The following PRH1 variants were observed in gnomAD, a reference collection of about 807,000 sequenced individuals.
PRH1 encodes the protein salivary acidic proline-rich phosphoprotein 1/2.
PRH1 carries 7 observed loss-of-function variants against 7.9 expected under a neutral mutation model. The ratio of observed to expected loss-of-function variants is 0.89; its 90% confidence interval spans 0.50 to 1.67. The LOEUF (loss-of-function observed/expected upper bound fraction) is 1.67. PRH1 is among the 40% of genes most tolerant of loss of function. PRH1 has a pLI of 0.00. For synonymous variants in PRH1, 45 were observed against 80.8 expected (o/e 0.56, Z 2.38); for missense variants, 109 against 223.6 (o/e 0.49, Z 3.27).
intron 2 of PRH1, among the ~76,000 whole-genome samples, chr12:10,950,781 T>G (rs1950558721): frequency 6.6e-6 from 1 of 152,014 alleles, no homozygotes; most frequent in African/African-American, 2.4e-5. Flanking sequence ...AAAAAAGTGT[T>G]AAAATATTAA....
At chr12:10,931,338 A>G (rs1299373781) in intron 2 of PRH1, among the ~76,000 whole-genome samples, 5 of 152,178 alleles carry the variant, frequency 3.3e-5, no homozygotes, top group African/African-American at 4.8e-5. Flanking sequence ...ACATAGAATC[A>G]TGTTCTCCCT....
chr12:11,070,986 TTTA>T (rs1337333293), intron 1 of PRH1, among the ~76,000 whole-genome samples: 6 of 120,486 alleles, frequency 5.0e-5, no homozygotes, highest in Non-Finnish European at 1.2e-4. Flanking sequence ...AATTATGATT[TTTA>T]TTATTATTTT....
chr12:10,940,482 T>C lies in PRH1; in HGVS notation c.-59+33173A>G, dbSNP rs117561384. ...ATCTATCTATTGTCTCATAAAGCAG[T>C]CATTGTGTTTGAATGAGTTCATCCA... On this transcript the variant is annotated intron_variant, in intron 2 of 3. Transcript: ENST00000539853. 8.0e-3 allele frequency among the ~76,000 whole-genome samples: 1,220 copies of C among 152,376 alleles called. 16 individuals are homozygous for C. The highest frequency in any genetic ancestry group is 0.015 in the Non-Finnish European group (995 of 68,038).
chr12:11,014,514 T>A (rs971449865), intron 1 of PRH1, among the ~76,000 whole-genome samples: 9 of 152,162 alleles, frequency 5.9e-5, no homozygotes, highest in Non-Finnish European at 1.5e-5. Flanking sequence ...AGAGGCTTCA[T>A]ACTTTGAAAA....
intron 2 of PRH1, among the ~76,000 whole-genome samples, chr12:10,904,932 T>C (rs1949781100): frequency 6.6e-6 from 1 of 151,338 alleles, no homozygotes; most frequent in African/African-American, 2.4e-5. Context: ...AGGCTCAACA[T>C]CACTAATCAT....
At chr12:11,118,598 G>A (rs985495875), downstream of PRH1, among the ~76,000 whole-genome samples, 2 of 152,168 alleles carry the variant, frequency 1.3e-5, no homozygotes, top group African/African-American at 4.8e-5. Context: ...GGAAGTAAGT[G>A]TATCAAACAG....
At chr12:11,167,747 A>G in intron 1 of PRH1, among the ~76,000 whole-genome samples, 1 of 152,156 alleles carries the variant, frequency 6.6e-6, no homozygotes, top group East Asian at 1.9e-4. Flanking sequence ...TTGTAACTTC[A>G]GTTCTAACAA....
At chr12:10,913,091 C>T (rs547049607) in intron 2 of PRH1, among the ~76,000 whole-genome samples, 5 of 152,252 alleles carry the variant, frequency 3.3e-5, no homozygotes, top group Admixed American at 6.5e-5. Flanking sequence ...GTGCATAGAG[C>T]GTTAGAATTG....
chr12:11,115,230 A>C (rs1419406399), intron 1 of PRH1, among the ~76,000 whole-genome samples: 1 of 152,188 alleles, frequency 6.6e-6, no homozygotes, highest in Non-Finnish European at 1.5e-5. Flanking sequence ...ATGGCAATGG[A>C]AGCCAAAAAA....
chr12:11,063,066 C>A (rs1033438111), intron 1 of PRH1, among the ~76,000 whole-genome samples: 1 of 152,100 alleles, frequency 6.6e-6, no homozygotes, highest in African/African-American at 2.4e-5. Context: ...CCACTCAGGG[C>A]TTTCAGCTCA....
chr12:10,919,081 G>A (rs1371638892), intron 2 of PRH1, among the ~76,000 whole-genome samples: 1 of 151,864 alleles, frequency 6.6e-6, no homozygotes, highest in Non-Finnish European at 1.5e-5. Flanking sequence ...TATTTTCTCT[G>A]TTTGATTGTT....
At chr12:11,035,987 G>A (rs1042507843) in intron 1 of PRH1, among the ~76,000 whole-genome samples, 12 of 152,034 alleles carry the variant, frequency 7.9e-5, no homozygotes, top group Non-Finnish European at 1.8e-4. Flanking sequence ...TCTGTCCCCC[G>A]GGTTCACGCC....
chr12:11,158,812 T>C (rs982096988), intron 1 of PRH1: 1 of 152,178 alleles, frequency 6.6e-6, no homozygotes, highest in Non-Finnish European at 1.5e-5. Flanking sequence ...TCAGAGAGAA[T>C]TTAAGATGCC....
At position 11,094,651 on chromosome 12, in the gene PRH1, T is replaced by C. The variant is rs1369996819; in HGVS notation, n.124-47463A>G. ...ACTATCTTAGAATTGTGTAAGAATGTATACAAATATTTGATATTTCCCTTC... is the reference window on the plus strand; with the variant it reads ...ACTATCTTAGAATTGTGTAAGAATGCATACAAATATTTGATATTTCCCTTC... On this transcript the variant is annotated intron_variant and non_coding_transcript_variant, in intron 1 of 4. Transcript: ENST00000541977. 2.1e-4 allele frequency among the ~76,000 whole-genome samples: 24 copies of C among 116,466 alleles called. 8 individuals are homozygous for C. Among genetic ancestry groups the C allele is most frequent in the Admixed American group, 1.4e-3 (16 of 11,624 alleles). The allele number at this position is 116,466 out of a possible 152,430, so 76.4% of individuals were successfully genotyped here. A position where few individuals can be genotyped will look rare whatever the true frequency, so the allele number is the denominator to read the frequency against.
chr12:10,988,698 T>C (rs1939771520), intron 1 of PRH1, among the ~76,000 whole-genome samples: 1 of 152,056 alleles, frequency 6.6e-6, no homozygotes, highest in South Asian at 2.1e-4. Context: ...GCAAAACATG[T>C]CACATTGCAA....
intron 1 of PRH1, among the ~76,000 whole-genome samples, chr12:11,070,119 C>A (rs1208442226): frequency 1.3e-5 from 2 of 152,058 alleles, no homozygotes; most frequent in Middle Eastern, 3.4e-3. Context: ...GCAGTTGACA[C>A]CCTGCCTCTC....
intron 1 of PRH1, among the ~76,000 whole-genome samples, chr12:11,085,949 C>T (rs1412077148): frequency 8.4e-6 from 1 of 119,088 alleles, no homozygotes; most frequent in Non-Finnish European, 2.0e-5. Context: ...TTTTCAATGC[C>T]AGGTTTATGG....
At chr12:11,010,117 G>C (rs1374479753) in intron 1 of PRH1, among the ~76,000 whole-genome samples, 1 of 151,886 alleles carries the variant, frequency 6.6e-6, no homozygotes. Flanking sequence ...ACAATTACTT[G>C]CTTAAGCAAT....
At chr12:10,985,861 G>T in intron 1 of PRH1, 2 of 1,270,886 alleles carry the variant, frequency 1.6e-6, no homozygotes, top group Non-Finnish European at 1.1e-6. Flanking sequence ...ACAGTAAAAA[G>T]TATAAAATGT....
Sources: gnomAD v4.1 joint callset for allele counts (sites outside exome capture counted in the v4.1 genomes callset) on GRCh38, gnomAD v4.1.1 for gene constraint, MANE v1.5 for transcripts, NCBI Gene and HGNC (gene_info 2026-07-23, HGNC 2026-07-21) for gene names.